Variants in SMG5 observed in about 807,000 individuals in gnomAD.
SMG5 encodes the protein SMG5 nonsense mediated mRNA decay factor.
Under a neutral mutation model 122.9 loss-of-function variants are expected in SMG5, and 53 were observed. The ratio of observed to expected loss-of-function variants is 0.43; its 90% CI spans 0.35 to 0.54. The LOEUF is 0.54. Ranked by LOEUF, SMG5 falls within the 20% of genes least tolerant of loss-of-function variation. The pLI, the probability that SMG5 is intolerant of heterozygous loss-of-function variation, is 0.01. For synonymous variants in SMG5, 477 were observed against 490.2 expected, an observed-to-expected ratio of 0.97 and a Z score of 0.35; for missense variants, 1,153 against 1,285.6, an observed-to-expected ratio of 0.90 and a Z score of 1.58.
chr1:156,259,701 G>C (rs1032020851), intron 15 of SMG5, among the ~76,000 whole-genome samples: 1 of 151,970 alleles, frequency 6.6e-6, no homozygotes, highest in Non-Finnish European at 1.5e-5. Context: ...GCTAATTTTT[G>C]TATTTTTTGA....
intron 2 of SMG5, 79 bp from the exon 3 acceptor site, chr1:156,278,127 G>A (rs1353205761): frequency 6.5e-7 from 1 of 1,547,888 alleles, no homozygotes; most frequent in African/African-American, 1.4e-5. Context: ...AAGGAGTCAT[G>A]TGCCAACACC....
At chr1:156,264,780 C>T (rs1233833789) in intron 12 of SMG5, among the ~76,000 whole-genome samples, 1 of 152,126 alleles carries the variant, frequency 6.6e-6, no homozygotes, top group Admixed American at 6.6e-5. Context: ...AATCCCAGCA[C>T]TTTGGGAGGC....
At chr1:156,273,654 A>G (rs1298659747) in intron 5 of SMG5, among the ~76,000 whole-genome samples, 3 of 150,788 alleles carry the variant, frequency 2.0e-5, no homozygotes, top group Non-Finnish European at 3.0e-5. Context: ...CCTTGCTGGT[A>G]GGTTCAAAAT....
intron 5 of SMG5, 31 bp from the exon 6 acceptor site, chr1:156,273,481 G>T: frequency 6.3e-7 from 1 of 1,599,802 alleles, no homozygotes; most frequent in Non-Finnish European, 8.6e-7. Context: ...AGGGAAACTC[G>T]ATGATTTTAA....
chr1:156,269,483 A>G (rs546882692), intron 7 of SMG5, among the ~76,000 whole-genome samples: 1 of 151,722 alleles, frequency 6.6e-6, no homozygotes, highest in South Asian at 2.1e-4. Flanking sequence ...GGATCTGTAA[A>G]CCCAGCACTT....
chr1:156,289,375 A>G, the SMG5 span, among the ~76,000 whole-genome samples: 2 of 152,160 alleles, frequency 1.3e-5, no homozygotes, highest in South Asian at 4.1e-4. Flanking sequence ...TTGGGAGGCC[A>G]AGGCGGGTGG....
chr1:156,259,192 G>A (rs1661705350), intron 15 of SMG5, 29 bp from the exon 16 acceptor site: 1 of 1,532,474 alleles, frequency 6.5e-7, no homozygotes, highest in African/African-American at 1.4e-5. Flanking sequence ...GCCCAGCGCT[G>A]CTGAGCAGGG....
In SMG5 at chr1:156,252,923, C is replaced by T. The variant is rs183569543; in HGVS notation, c.2658G>A (p.Arg886=). The part of the protein sequence containing the change: ...TSGRFIVIIP[R]TVIDGLDLLK... ...TTACCTCTCCAATGTACTTACCTGTCCTTGGGATGATGACAATGAAGCGGC... is the reference window on the plus strand; with the variant it reads ...TTACCTCTCCAATGTACTTACCTGTTCTTGGGATGATGACAATGAAGCGGC... The change falls in exon 18 of 22, where the codon AGG becomes AGA. Residue 886 remains arginine, a synonymous_variant. Transcript: ENST00000361813. 4.0e-4 allele frequency: 647 copies of T among 1,603,870 alleles called. 7 individuals are homozygous for T. The East Asian group carries it at 0.012, about 29-fold the overall frequency.
intron 19 of SMG5, 78 bp downstream of exon 19, chr1:156,252,336 G>A: frequency 7.3e-7 from 1 of 1,373,224 alleles, no homozygotes; most frequent in South Asian, 1.2e-5. Context: ...CCCATAGGGA[G>A]CAAGGGGCTT....
chr1:156,265,336 T>C (rs1662076632), intron 12 of SMG5, among the ~76,000 whole-genome samples: 3 of 152,004 alleles, frequency 2.0e-5, no homozygotes, highest in Non-Finnish European at 4.4e-5. Flanking sequence ...GAATGATGCA[T>C]AGAGTAGCCT....
intron 19 of SMG5, among the ~76,000 whole-genome samples, 188 bp downstream of exon 19, chr1:156,252,226 T>C (rs1241961664): frequency 7.2e-5 from 11 of 152,198 alleles, no homozygotes. Flanking sequence ...TCACCCTCTA[T>C]TTCAGCAGCT....
upstream of SMG5, among the ~76,000 whole-genome samples, chr1:156,283,268 T>C (rs1329907712): frequency 6.6e-6 from 1 of 152,218 alleles, no homozygotes; most frequent in African/African-American, 2.4e-5. Flanking sequence ...GAGCATCACA[T>C]AGGAGTAAAG....
chr1:156,288,452 A>G, the SMG5 span, among the ~76,000 whole-genome samples: 1 of 151,050 alleles, frequency 6.6e-6, no homozygotes, highest in East Asian at 2.0e-4. Context: ...TTCCTGCCTC[A>G]GCCCCCCGAG....
chr1:156,250,415 C>A lies in SMG5; in HGVS notation c.*172G>T, dbSNP rs1661292761. On this transcript the variant is annotated 3_prime_UTR_variant, in exon 22 of 22. Coordinates refer to ENST00000361813, the MANE Select transcript of SMG5 (RefSeq NM_015327.3). ...ACGTCTTGGCAACAAAGGGACCCCACCCTCCCAGCCGGCTCCTGGGCCCTC... is the reference window on the plus strand; with the variant it reads ...ACGTCTTGGCAACAAAGGGACCCCAACCTCCCAGCCGGCTCCTGGGCCCTC... The A allele has an allele frequency of 1.5e-6, 1 of 658,526 alleles. No homozygotes were observed. The highest frequency in any genetic ancestry group is 2.7e-6 in the Non-Finnish European group (1 of 368,682). 40.8% of individuals were successfully genotyped at this position (658,526 alleles called of 1,614,324 possible). A position where few individuals can be genotyped will look rare whatever the true frequency, so the allele number is the denominator to read the frequency against.
At chr1:156,275,398 G>A (rs1487312949) in intron 4 of SMG5, among the ~76,000 whole-genome samples, 4 of 152,212 alleles carry the variant, frequency 2.6e-5, no homozygotes, top group Non-Finnish European at 4.4e-5. Flanking sequence ...ATCTTTGGAA[G>A]GCAGTTTTCT....
In SMG5 at chr1:156,282,755, G is replaced by T. The variant is rs1161557433; in HGVS notation, c.-75C>A. 1 of 1,459,986 alleles carries T rather than the reference G, an allele frequency of 6.8e-7. No homozygotes were observed. The highest frequency in any genetic ancestry group is 1.4e-5 in the African/African-American group (1 of 70,328). 90.4% of individuals were successfully genotyped at this position (1,459,986 alleles called of 1,614,324 possible). A position where few individuals can be genotyped will look rare whatever the true frequency, so the allele number is the denominator to read the frequency against. On this transcript the variant is annotated 5_prime_UTR_variant, in exon 1 of 22. Coordinates refer to ENST00000361813, the MANE Select transcript of SMG5 (RefSeq NM_015327.3). ...CACTACCGCCAACACTGCCGTCTCCGGCCGTAGCCGCAGCCGCCGCCGCCA... is the reference window on the plus strand; with the variant it reads ...CACTACCGCCAACACTGCCGTCTCCTGCCGTAGCCGCAGCCGCCGCCGCCA...
At chr1:156,253,573 G>T in intron 16 of SMG5, 65 bp from the exon 17 acceptor site, 1 of 1,467,112 alleles carries the variant, frequency 6.8e-7, no homozygotes, top group South Asian at 1.1e-5. Context: ...TGATCAGGAA[G>T]ACCAAGAGGG....
upstream of SMG5, chr1:156,286,625 C>T (rs1652589159): frequency 1.5e-5 from 11 of 734,110 alleles, no homozygotes; most frequent in Non-Finnish European, 2.4e-5. Context: ...TTCTCTCTTG[C>T]ACCTTACCTC....
In SMG5 at chr1:156,268,409, C is replaced by T; in HGVS notation, c.720G>A (p.Gln240=). ...AGGCTCCCTCAAAGGACACTTCTGA[C>T]TGGATGCTGTAAGAGATAGAGGTGA... ...EAMYCYLRCI[Q]SEVSFEGAYG... The change falls in exon 8 of 22, where the codon CAG becomes CAA. Residue 240 remains glutamine, a synonymous_variant. Transcript: ENST00000361813. 6.2e-7 allele frequency: 1 copy of T among 1,613,914 alleles called. No individual in the cohort carries two copies. The highest frequency in any genetic ancestry group is 8.5e-7 in the Non-Finnish European group (1 of 1,180,010).
Sources: gnomAD v4.1 joint callset for allele counts (sites outside exome capture counted in the v4.1 genomes callset) on GRCh38, gnomAD v4.1.1 for gene constraint, MANE v1.5 for transcripts, NCBI Gene and HGNC (gene_info 2026-07-23, HGNC 2026-07-21) for gene names.